DUSP29: variants seen among roughly 807,000 people sequenced by gnomAD.
DUSP29 encodes atypical dual-specific protein phosphatase.
DUSP29 carries 12 observed loss-of-function variants against 13.5 expected under a neutral mutation model. The ratio of observed to expected loss-of-function variants is 0.89; its 90% CI spans 0.57 to 1.44. The LOEUF (loss-of-function observed/expected upper bound fraction) is 1.44. Ranked by LOEUF, DUSP29 falls within the 40% of genes most tolerant of loss-of-function variation. The probability of loss-of-function intolerance (pLI) is 0.00; values close to 1 mark genes in which losing one functional copy is unlikely to be tolerated. For missense variants in DUSP29, 308 were observed against 301.1 expected (o/e 1.02, Z -0.17); for synonymous variants, 134 against 128.7 (o/e 1.04, Z -0.28).
chr10:75,053,179 G>A (rs775997110), intron 2 of DUSP29, among the ~76,000 whole-genome samples: 1 of 152,140 alleles, frequency 6.6e-6, no homozygotes, highest in Admixed American at 6.5e-5. Context: ...ACAGCTAATC[G>A]AAACTGACCA....
chr10:75,048,788 G>A (rs945944875), intron 2 of DUSP29, among the ~76,000 whole-genome samples: 3 of 152,182 alleles, frequency 2.0e-5, no homozygotes, highest in South Asian at 2.1e-4. Context: ...GAAATGAACC[G>A]GCCTTCCGGT....
At chr10:75,038,873 C>A (rs1045094567) in intron 3 of DUSP29, among the ~76,000 whole-genome samples, 1 of 152,176 alleles carries the variant, frequency 6.6e-6, no homozygotes, top group Non-Finnish European at 1.5e-5. Flanking sequence ...AATCCCAGCA[C>A]TTTGGGAGGC....
chr10:75,056,477 G>A (rs983524375), intron 2 of DUSP29, among the ~76,000 whole-genome samples: 4 of 150,314 alleles, frequency 2.7e-5, no homozygotes, highest in South Asian at 2.1e-4. Flanking sequence ...GCAGTGAGCC[G>A]AGATTGCGCC....
chr10:75,050,677 C>G lies in DUSP29; in HGVS notation c.201-6660G>C, dbSNP rs181741334. On this transcript the variant is annotated intron_variant, in intron 2 of 3. Coordinates refer to ENST00000338487, the MANE Select transcript of DUSP29 (RefSeq NM_001003892.3). The stretch of plus-strand genomic sequence containing the variant: ...GACGCTGTGCCGAGTCATGCCTGAG[C>G]CCTCCGCTCCACGCTGAGCCTGCAG... Among the ~76,000 whole-genome samples, 33 of 152,380 alleles carry G rather than the reference C, an allele frequency of 2.2e-4. 1 individual carries two copies. The highest frequency in any genetic ancestry group is 7.9e-4 in the African/African-American group (33 of 41,592).
At chr10:75,048,689 T>G (rs901367209) in intron 2 of DUSP29, among the ~76,000 whole-genome samples, 1 of 152,184 alleles carries the variant, frequency 6.6e-6, no homozygotes, top group Non-Finnish European at 1.5e-5. Context: ...CCGTGCAGTC[T>G]TGAGTGTGCC....
intron 2 of DUSP29, among the ~76,000 whole-genome samples, chr10:75,048,064 G>GT (rs1228970565): frequency 6.6e-6 from 1 of 152,092 alleles, no homozygotes; most frequent in African/African-American, 2.4e-5. Flanking sequence ...ATTTTGATGT[G>GT]TTTCTTTGGG....
At chr10:75,043,668 T>TA in intron 3 of DUSP29, 129 bp downstream of exon 3, 1 of 918,286 alleles carries the variant, frequency 1.1e-6, no homozygotes, top group Non-Finnish European at 1.6e-6. Context: ...AACCTTGGGC[T>TA]AAGGGCGGAG....
intron 1 of DUSP29, among the ~76,000 whole-genome samples, chr10:75,064,090 A>G (rs1054341630): frequency 1.3e-5 from 2 of 151,874 alleles, no homozygotes; most frequent in African/African-American, 4.8e-5. Context: ...TTTGTCACCC[A>G]GGCTGGAGTG....
At chr10:75,070,007 G>A (rs547542751) in intron 1 of DUSP29, among the ~76,000 whole-genome samples, 12 of 150,496 alleles carry the variant, frequency 8.0e-5, no homozygotes, top group Admixed American at 4.0e-4. Context: ...CCAAGATCAT[G>A]CCACTGCACT....
In DUSP29 at chr10:75,037,614, G is replaced by A. The variant is rs1241375492; in HGVS notation, c.*222C>T. Among the ~76,000 whole-genome samples, 1 of 152,114 alleles carries A rather than the reference G, an allele frequency of 6.6e-6. No individual in the cohort carries two copies. Among genetic ancestry groups the A allele is most frequent in the African/African-American group, 2.4e-5 (1 of 41,422 alleles). The stretch of plus-strand genomic sequence containing the variant: ...ATGCTCCTCTGTGACCCAGAGCCGG[G>A]GAGCCCGTCCCTCCCATTTTGCTGA... On this transcript the variant is annotated 3_prime_UTR_variant, in exon 4 of 4. Coordinates refer to ENST00000338487, the MANE Select transcript of DUSP29 (RefSeq NM_001003892.3).
At position 75,058,487 on chromosome 10, in the gene DUSP29, G is replaced by A; in HGVS notation, c.28C>T (p.Leu10Phe). MTSGEVKTS[L>F]KNAYSSAKRL... is the part of the protein sequence containing the mutation. ...TTGGCAGATGAGTAGGCATTCTTGA[G>A]GCTTGTCTTCACTTCTCCAGATGTC... is the stretch of plus-strand genomic sequence containing the variant. The change falls in exon 2 of 4, where the codon CTC becomes TTC. Residue 10 changes from leucine to phenylalanine, a missense_variant. Coordinates refer to ENST00000338487, the MANE Select transcript of DUSP29 (RefSeq NM_001003892.3). 1 of 1,614,212 alleles carries A rather than the reference G, an allele frequency of 6.2e-7. No homozygotes were observed. Among genetic ancestry groups the A allele is most frequent in the Non-Finnish European group, 8.5e-7 (1 of 1,180,048 alleles).
chr10:75,068,130 T>A (rs1479866130), intron 1 of DUSP29, among the ~76,000 whole-genome samples: 2 of 152,112 alleles, frequency 1.3e-5, no homozygotes, highest in Non-Finnish European at 2.9e-5. Flanking sequence ...AGAAAATTTT[T>A]AAAAATTATA....
At position 75,043,746 on chromosome 10, in the gene DUSP29, T is replaced by TCGGGG. The variant is rs759512422; in HGVS notation, c.421+46_421+50dup. The TCGGGG allele has an allele frequency of 1.4e-3, 1,703 of 1,203,000 alleles. 11 individuals are homozygous for TCGGGG. The African/African-American group carries it at 0.039, about 28-fold the overall frequency. 74.5% of individuals were successfully genotyped at this position (1,203,000 alleles called of 1,614,324 possible). Reference sequence around the variant, plus strand: ...GGGCCTAAGCTACGGGCGGGGCGAGTCGGGGCGGGGCGGGGCGGGGCCGAT... The same window carrying TCGGGG: ...GGGCCTAAGCTACGGGCGGGGCGAGTCGGGGCGGGGCGGGGCGGGGCGGGGCCGAT... On this transcript the variant is annotated intron_variant, in intron 3 of 3. Coordinates refer to ENST00000338487, the MANE Select transcript of DUSP29 (RefSeq NM_001003892.3).
intron 1 of DUSP29, among the ~76,000 whole-genome samples, chr10:75,065,830 G>A (rs945207909): frequency 2.0e-5 from 3 of 151,780 alleles, no homozygotes; most frequent in Non-Finnish European, 4.4e-5. Context: ...AGCTAGGACT[G>A]CAGGCATGTG....
At chr10:75,039,826 G>A (rs1298276492) in intron 3 of DUSP29, among the ~76,000 whole-genome samples, 1 of 152,212 alleles carries the variant, frequency 6.6e-6, no homozygotes, top group Non-Finnish European at 1.5e-5. Flanking sequence ...TGAGAAACAA[G>A]GTGCAAGGTG....
At chr10:75,038,142 C>T (rs1180562199) in intron 3 of DUSP29, 65 bp from the exon 4 acceptor site, 2 of 1,556,074 alleles carry the variant, frequency 1.3e-6, no homozygotes, top group African/African-American at 2.7e-5. Flanking sequence ...ACAGGTAGGG[C>T]CCACTCCCAT....
In DUSP29 at chr10:75,043,864, G is replaced by A. The variant is rs773137930; in HGVS notation, c.354C>T (p.Thr118=). Residue 118 remains threonine, a synonymous_variant, in exon 3 of 4, where the codon ACC becomes ACT. Coordinates refer to ENST00000338487, the MANE Select transcript of DUSP29 (RefSeq NM_001003892.3). ...YHGVEADDLP[T]FDLSVFFYPA... is the part of the protein sequence containing the mutation. ...GGTAGAAGAAGACACTGAGGTCGAA[G>A]GTGGGCAGGTCGTCGGCCTCCACGC... 5 of 1,614,082 alleles carry A rather than the reference G, an allele frequency of 3.1e-6. No individual in the cohort carries two copies. In the South Asian group the frequency reaches 4.4e-5, roughly 14 times the overall value.
At chr10:75,059,965 A>T (rs1321071529) in intron 1 of DUSP29, among the ~76,000 whole-genome samples, 1 of 150,926 alleles carries the variant, frequency 6.6e-6, no homozygotes, top group Non-Finnish European at 1.5e-5. Flanking sequence ...TCAAGACCAG[A>T]CTGCCTAACA....
At chr10:75,057,857 T>C (rs1466591198) in intron 2 of DUSP29, among the ~76,000 whole-genome samples, 2 of 152,202 alleles carry the variant, frequency 1.3e-5, no homozygotes, top group Non-Finnish European at 2.9e-5. Flanking sequence ...CAGGCTCCCT[T>C]GCAGCTAGGG....
Sources: allele counts gnomAD v4.1 joint callset (sites outside exome capture counted in the v4.1 genomes callset), GRCh38; gene constraint gnomAD v4.1.1; transcripts MANE v1.5; gene names NCBI Gene and HGNC (gene_info 2026-07-23, HGNC 2026-07-21).